Variants in FAM120A observed in about 807,000 individuals in gnomAD.
The protein encoded by FAM120A is family with sequence similarity 120 member A.
In FAM120A, 15 loss-of-function variants were observed where a neutral mutation model predicts 109.7. The observed-to-expected ratio is 0.14, with a 90% confidence interval of 0.09 to 0.21. The LOEUF (loss-of-function observed/expected upper bound fraction) is 0.21, where lower values mean the gene tolerates loss of function less well. Ranked by LOEUF, FAM120A falls within the 10% of genes least tolerant of loss-of-function variation. FAM120A has a pLI of 1.00. For synonymous variants in FAM120A, 493 were observed against 572.8 expected, an observed-to-expected ratio of 0.86 and a Z score of 1.99; for missense variants, 899 against 1,439.3, an observed-to-expected ratio of 0.62 and a Z score of 6.07.
intron 5 of FAM120A, among the ~76,000 whole-genome samples, chr9:93,514,166 G>C (rs1564337538): frequency 6.6e-6 from 1 of 152,178 alleles, no homozygotes; most frequent in African/African-American, 2.4e-5. Context: ...AAGAAGTGTC[G>C]AGTGAAGGGG....
chr9:93,547,539 A>G (rs567568771), intron 11 of FAM120A, among the ~76,000 whole-genome samples: 2 of 152,316 alleles, frequency 1.3e-5, no homozygotes, highest in Admixed American at 1.3e-4. Context: ...GGGCTCCAGA[A>G]CAATTTATAA....
chr9:93,560,833 AC>A (rs1862440830), intron 15 of FAM120A, among the ~76,000 whole-genome samples: 1 of 152,250 alleles, frequency 6.6e-6, no homozygotes, highest in African/African-American at 2.4e-5. Flanking sequence ...TGCCATATGC[AC>A]CTGATGACAC....
chr9:93,508,636 C>T (rs1438247145), intron 5 of FAM120A, among the ~76,000 whole-genome samples: 1 of 152,164 alleles, frequency 6.6e-6, no homozygotes, highest in Non-Finnish European at 1.5e-5. Flanking sequence ...GGTCCTGGGG[C>T]TGGTGTTCTG....
At chr9:93,506,994 T>G (rs1860090336) in intron 5 of FAM120A, among the ~76,000 whole-genome samples, 1 of 152,198 alleles carries the variant, frequency 6.6e-6, no homozygotes, top group African/African-American at 2.4e-5. Flanking sequence ...ATCTTAACCC[T>G]TAGCATTATC....
intron 10 of FAM120A, among the ~76,000 whole-genome samples, chr9:93,536,048 A>ACT (rs5899182): frequency 0.28 from 42,372 of 152,082 alleles, 6,949 homozygotes; most frequent in East Asian, 0.42. Context: ...GCTTCTTGAC[A>ACT]CTAAATAGGA....
chr9:93,518,292 C>T (rs1052531624), intron 7 of FAM120A, among the ~76,000 whole-genome samples: 5 of 152,014 alleles, frequency 3.3e-5, no homozygotes, highest in African/African-American at 1.2e-4. Context: ...GACGCGTGTG[C>T]CAAGTAGAGA....
At position 93,500,005 on chromosome 9, in the gene FAM120A, C is replaced by T. The variant is rs555722555; in HGVS notation, c.1030+1119C>T. 9.3e-4 allele frequency among the ~76,000 whole-genome samples: 142 copies of T among 152,270 alleles called. No homozygotes were observed. Among genetic ancestry groups the T allele is most frequent in the African/African-American group, 3.1e-3 (129 of 41,572 alleles). ...GTGGACAGGGAAACATGGCCTGTGC[C>T]GATGCCCTGTAATAAAGGAGGTAGG... On this transcript the variant is annotated intron_variant, in intron 5 of 17. Transcript: ENST00000277165. This position sits in a 1 kb window ranked among gnomAD's most constrained non-coding sequence, Gnocchi z 4.6.
At position 93,452,376 on chromosome 9, in the gene FAM120A, G is replaced by A; in HGVS notation, c.461G>A (p.Arg154His). The A allele has an allele frequency of 2.5e-6, 4 of 1,608,908 alleles. No homozygotes were observed. Among genetic ancestry groups the A allele is most frequent in the Non-Finnish European group, 3.4e-6 (4 of 1,178,286 alleles). ...MAHCIRLALI[R>H]FHVKVAQSIE... The stretch of plus-strand genomic sequence containing the variant: ...CACTGCATCCGCCTGGCGCTCATCC[G>A]CTTCCACGTCAAGGTGAGGCCGGGG... Residue 154 changes from arginine to histidine, a missense_variant, in exon 1 of 18, where the codon CGC becomes CAC. Physicochemically the swap from Arg to His is conservative, Grantham distance 29. This residue lies in a region of FAM120A where 258 missense variants were observed against 451.4 expected (regional missense o/e 0.57). Coordinates refer to ENST00000277165, the MANE Select transcript of FAM120A (RefSeq NM_014612.5). This position sits in a 1 kb window ranked among gnomAD's most constrained non-coding sequence, Gnocchi z 7.0.
At chr9:93,540,926 G>A (rs1861675171) in intron 10 of FAM120A, among the ~76,000 whole-genome samples, 1 of 152,172 alleles carries the variant, frequency 6.6e-6, no homozygotes, top group African/African-American at 2.4e-5. Flanking sequence ...CAGAGCCGAT[G>A]AAAGGGAAAG....
At chr9:93,512,626 G>A (rs370025350) in intron 5 of FAM120A, among the ~76,000 whole-genome samples, 42 of 152,024 alleles carry the variant, frequency 2.8e-4, no homozygotes, top group African/African-American at 1.0e-3. Context: ...CTGGAGCCCC[G>A]TGTCCCTTCT....
chr9:93,560,188 A>C (rs1308207485), intron 15 of FAM120A, among the ~76,000 whole-genome samples: 2 of 152,106 alleles, frequency 1.3e-5, no homozygotes, highest in Non-Finnish European at 2.9e-5. Flanking sequence ...CCAGCTACTC[A>C]GGAGGCTGAG....
Position 93,516,111 on chromosome 9 carries a change from C to T in FAM120A, c.1260C>T (p.Asn420=), listed in dbSNP as rs1362408697. ...TGACGGAGCAGAACAGCTACAGCAACATTCCTCACGAAGGGAAGCACACGC... is the reference window on the plus strand; with the variant it reads ...TGACGGAGCAGAACAGCTACAGCAATATTCCTCACGAAGGGAAGCACACGC... ...KNLTEQNSYS[N]IPHEGKHTPL... is the part of the protein sequence containing the mutation. Residue 420 remains asparagine (N), a synonymous_variant, in exon 7 of 18, where the codon AAC becomes AAT. Coordinates refer to ENST00000277165, the MANE Select transcript of FAM120A (RefSeq NM_014612.5). 5 of 1,613,606 alleles carry T rather than the reference C, an allele frequency of 3.1e-6. No homozygotes were observed. In the South Asian group the frequency reaches 3.3e-5, roughly 11 times the overall value.
rs760154435 is a variant in FAM120A at position 93,476,271 on chromosome 9, C to T, written c.737C>T (p.Pro246Leu). 4 of 1,606,116 alleles carry T rather than the reference C, an allele frequency of 2.5e-6. No individual in the cohort carries two copies. The highest frequency in any genetic ancestry group is 2.2e-5 in the South Asian group (2 of 90,914). ...FAALLGNHIL[P>L]DEDLASFHWS... ...TATATTCCAGGAAATCACATTCTGC[C>T]TGATGAAGATCTGGCTTCCTTTCAC... The change falls in exon 3 of 18, where the codon CCT becomes CTT. Residue 246 changes from proline (P) to leucine (L), a missense_variant. Transcript: ENST00000277165.
At chr9:93,563,589 A>C (rs1363649148) in intron 17 of FAM120A, among the ~76,000 whole-genome samples, 7 of 152,252 alleles carry the variant, frequency 4.6e-5, no homozygotes, top group South Asian at 2.1e-4. Context: ...GCCCTGGTCT[A>C]ATGATAGGAG....
chr9:93,510,668 C>G (rs1057380310), intron 5 of FAM120A, among the ~76,000 whole-genome samples: 3 of 151,952 alleles, frequency 2.0e-5, no homozygotes, highest in African/African-American at 7.2e-5. Flanking sequence ...TGTGTAGAAA[C>G]AGTCTTGATG....
Position 93,457,195 on chromosome 9 carries a change from C to T in FAM120A, c.474+4806C>T, listed in dbSNP as rs982393686. Among the ~76,000 whole-genome samples, 3 of 152,266 alleles carry T rather than the reference C, an allele frequency of 2.0e-5. No individual in the cohort carries two copies. The South Asian group carries it at 6.2e-4, about 32-fold the overall frequency. On this transcript the variant is annotated intron_variant, in intron 1 of 17. Transcript: ENST00000277165. The stretch of plus-strand genomic sequence containing the variant: ...CTATTGGGAATAATGAATAATGCTT[C>T]TATGAGCATAGTATACAAAGAGCTG...
chr9:93,517,254 A>C (rs147894066), intron 7 of FAM120A, among the ~76,000 whole-genome samples: 6 of 152,360 alleles, frequency 3.9e-5, no homozygotes, highest in African/African-American at 1.4e-4. Context: ...GATTTGTTGT[A>C]TGTGCAGAGA....
intron 1 of FAM120A, among the ~76,000 whole-genome samples, chr9:93,454,793 C>T (rs1214212698): frequency 6.6e-6 from 1 of 152,034 alleles, no homozygotes; most frequent in Non-Finnish European, 1.5e-5. Flanking sequence ...CAGTGTATAC[C>T]ATTTAATAAA....
Position 93,452,620 on chromosome 9 carries a change from C to T in FAM120A, c.474+231C>T. 1 of 1,599,180 alleles carries T rather than the reference C, an allele frequency of 6.3e-7. No individual in the cohort carries two copies. Among genetic ancestry groups the T allele is most frequent in the Non-Finnish European group, 8.5e-7 (1 of 1,179,848 alleles). On this transcript the variant is annotated intron_variant, in intron 1 of 17. Transcript: ENST00000277165. The surrounding 1 kb of genome is among the most constrained non-coding windows in gnomAD (Gnocchi z 7.0). ...TGTCCCTGTTCGGGGTCCGCGGCCG[C>T]GTGGGGACACTTGAGGGCTGGGAGA...
Sources: allele counts gnomAD v4.1 joint callset (sites outside exome capture counted in the v4.1 genomes callset), GRCh38; gene constraint gnomAD v4.1.1; regional missense constraint gnomAD v4.1.1; non-coding constraint Gnocchi (gnomAD v3.1); transcripts MANE v1.5; gene names NCBI Gene and HGNC (gene_info 2026-07-23, HGNC 2026-07-21).